NAV1: variants seen among roughly 807,000 people sequenced by gnomAD.
NAV1 encodes the protein pore membrane and/or filament interacting like protein 3.
NAV1 carries 18 observed loss-of-function variants against 175.2 expected under a neutral mutation model. The ratio of observed to expected loss-of-function variants is 0.10; its 90% CI spans 0.07 to 0.15. The LOEUF is 0.15. Among genes scored for constraint, NAV1 ranks in the 10% least tolerant of loss-of-function variants. The probability of loss-of-function intolerance (pLI) is 1.00; values close to 1 mark genes in which losing one functional copy is unlikely to be tolerated. For synonymous variants in NAV1, 897 were observed against 978.7 expected, an observed-to-expected ratio of 0.92 and a Z score of 1.56; for missense variants, 1,731 against 2,436.6, an observed-to-expected ratio of 0.71 and a Z score of 6.10.
intron 20 of NAV1, 72 bp from the exon 25 acceptor site, chr1:201,809,092 G>C: frequency 6.7e-7 from 1 of 1,483,964 alleles, no homozygotes; most frequent in Non-Finnish European, 9.4e-7. Flanking sequence ...TTTTGGAAAG[G>C]ATAATGATGG....
intron 1 of NAV1, among the ~76,000 whole-genome samples, chr1:201,661,448 C>T (rs1018673087): frequency 1.9e-4 from 29 of 152,244 alleles, no homozygotes; most frequent in African/African-American, 6.0e-4. Context: ...CCCAGATGTA[C>T]AGGAAGAAAT....
rs1674420181 is a variant in NAV1 at position 201,755,833 on chromosome 1, AC to A, written c.1227-24587del. On this transcript the variant is annotated intron_variant, in intron 3 of 29. Coordinates refer to ENST00000367296, the Ensembl canonical transcript of NAV1. The stretch of plus-strand genomic sequence containing the variant: ...CTTTAAAAAAAGTTGTGGGCTGGGC[AC>A]GGTGGCTCACACCTGTAATCCCAGC... 4.6e-5 allele frequency among the ~76,000 whole-genome samples: 7 copies of A among 152,176 alleles called. No homozygotes were observed. In the South Asian group the frequency reaches 1.4e-3, roughly 32 times the overall value.
intron 1 of NAV1, among the ~76,000 whole-genome samples, chr1:201,625,410 C>T (rs1331571758): frequency 6.6e-6 from 1 of 152,162 alleles, no homozygotes; most frequent in Admixed American, 6.5e-5. Flanking sequence ...TACAAATTGA[C>T]CGGAAGGCAG....
intron 1 of NAV1, among the ~76,000 whole-genome samples, chr1:201,576,549 T>C (rs1210312400): frequency 6.6e-6 from 1 of 151,540 alleles, no homozygotes; most frequent in African/African-American, 2.4e-5. Flanking sequence ...AAGACCAGTC[T>C]GGGCAACACA....
Position 201,812,679 on chromosome 1 carries a change from C to T in NAV1, c.5221+18C>T, listed in dbSNP as rs767420543. 2.5e-6 allele frequency: 4 copies of T among 1,607,408 alleles called. No individual in the cohort carries two copies. The highest frequency in any genetic ancestry group is 2.6e-6 in the Non-Finnish European group (3 of 1,175,448). ...CCTCATCGGTACTGGGGTCCAGCTT[C>T]CCCCGGGGGTCAGGAGGTGGCTTCC... On this transcript the variant is annotated intron_variant, in intron 27 of 29. Coordinates refer to ENST00000367296, the Ensembl canonical transcript of NAV1. This position sits in a 1 kb window ranked among gnomAD's most constrained non-coding sequence, Gnocchi z 4.6.
At chr1:201,595,765 G>A (rs1388978629) in intron 2 of NAV1, among the ~76,000 whole-genome samples, 2 of 152,244 alleles carry the variant, frequency 1.3e-5, no homozygotes, top group Non-Finnish European at 2.9e-5. Context: ...TCCTGGCCGA[G>A]TTGAAAGCAG....
At chr1:201,641,966 T>TTC (rs768012005) in intron 2 of NAV1, among the ~76,000 whole-genome samples, 7 of 149,928 alleles carry the variant, frequency 4.7e-5, no homozygotes, top group East Asian at 2.0e-4. Context: ...CTTCCTTCCT[T>TTC]TCTCTCTCTC....
At chr1:201,786,206 C>T (rs557070532) in intron 8 of NAV1, among the ~76,000 whole-genome samples, 8 of 152,128 alleles carry the variant, frequency 5.3e-5, no homozygotes, top group Non-Finnish European at 7.4e-5. Context: ...GGAACCCTTA[C>T]GGGAATACCT....
intron 1 of NAV1, among the ~76,000 whole-genome samples, chr1:201,625,570 C>T (rs1186414997): frequency 6.6e-6 from 1 of 152,222 alleles, no homozygotes; most frequent in African/African-American, 2.4e-5. Flanking sequence ...AACTCACTTA[C>T]GTCCCCTTGT....
At position 201,560,525 on chromosome 1, in the gene NAV1, C is replaced by T. The variant is rs113365653; in HGVS notation, c.-144+21183C>T. Among the ~76,000 whole-genome samples, 696 of 152,238 alleles carry T rather than the reference C, an allele frequency of 4.6e-3. 8 individuals are homozygous for T. The highest frequency in any genetic ancestry group is 0.016 in the African/African-American group (670 of 41,524). ...GGCAAGAGCCCAGTGACCCTGCATC[C>T]GGGGTGTTTGGGGTGCCAGAGAGAA... On this transcript the variant is annotated intron_variant, in intron 1 of 33. Transcript: ENST00000685211.
intron 1 of NAV1, among the ~76,000 whole-genome samples, chr1:201,696,223 G>A (rs574490643): frequency 9.2e-5 from 14 of 152,278 alleles, no homozygotes; most frequent in South Asian, 4.1e-4. Context: ...GGGTGGGAGC[G>A]GGAGAGGGAG....
intron 3 of NAV1, among the ~76,000 whole-genome samples, chr1:201,732,553 TG>T (rs1291375808): frequency 3.9e-5 from 6 of 152,288 alleles, no homozygotes; most frequent in Admixed American, 3.9e-4. Flanking sequence ...GCAAAGTAGA[TG>T]GAACATTCTA....
intron 1 of NAV1, among the ~76,000 whole-genome samples, chr1:201,703,544 G>A (rs1671535311): frequency 6.6e-6 from 1 of 152,336 alleles, no homozygotes; most frequent in Non-Finnish European, 1.5e-5. Context: ...ACCCTCTCCT[G>A]GTCCCACAGT....
chr1:201,781,828 A>G (rs1379813274), intron 5 of NAV1, among the ~76,000 whole-genome samples: 1 of 152,204 alleles, frequency 6.6e-6, no homozygotes, highest in Non-Finnish European at 1.5e-5. Context: ...AGATATTGTC[A>G]TACTCTATTC....
rs115195656 is a variant in NAV1 at position 201,788,342 on chromosome 1, C to T, written c.2996-126C>T. ...ACCGCACCTGCCCCTTCCTCTCCTGCCCTCTCCCCATTTGCCTCTCATGCT... is the reference window on the plus strand; with the variant it reads ...ACCGCACCTGCCCCTTCCTCTCCTGTCCTCTCCCCATTTGCCTCTCATGCT... On this transcript the variant is annotated intron_variant, in intron 9 of 29. Coordinates refer to ENST00000367296, the Ensembl canonical transcript of NAV1. The surrounding 1 kb of genome is among the most constrained non-coding windows in gnomAD (Gnocchi z 5.7). The T allele has an allele frequency of 6.9e-4, 658 of 956,168 alleles. 2 individuals are homozygous for T. The African/African-American group carries it at 9.1e-3, about 13-fold the overall frequency. 59.2% of individuals were successfully genotyped at this position (956,168 alleles called of 1,614,324 possible). A position where few individuals can be genotyped will look rare whatever the true frequency, so the allele number is the denominator to read the frequency against.
chr1:201,733,176 C>T lies in NAV1; in HGVS notation c.1226+14421C>T, dbSNP rs140902023. Reference sequence around the variant, plus strand: ...CGGGCGGATCATGAGGTCAAGAGATCGAGACCATCCTGGCCAACATGGTGA... The same window carrying T: ...CGGGCGGATCATGAGGTCAAGAGATTGAGACCATCCTGGCCAACATGGTGA... On this transcript the variant is annotated intron_variant, in intron 3 of 29. Transcript: ENST00000367296. 8.0e-3 allele frequency among the ~76,000 whole-genome samples: 1,211 copies of T among 151,852 alleles called. 13 individuals are homozygous for T. The highest frequency in any genetic ancestry group is 0.023 in the African/African-American group (952 of 41,370).
rs541306197 is a variant in NAV1 at position 201,584,126 on chromosome 1, T to C, written c.-143-4413T>C. ...TGTGCCAGATCTTTCACATGTGTTG[T>C]TATTTCCACTTTAAGTGTAAGAACA... On this transcript the variant is annotated intron_variant, in intron 1 of 33. Transcript: ENST00000685211. Among the ~76,000 whole-genome samples the C allele has an allele frequency of 4.6e-5, 7 of 152,348 alleles. No homozygotes were observed. The South Asian group carries it at 1.4e-3, about 32-fold the overall frequency.
intron 3 of NAV1, among the ~76,000 whole-genome samples, chr1:201,741,815 A>G (rs976101430): frequency 6.6e-6 from 1 of 152,012 alleles, no homozygotes; most frequent in Non-Finnish European, 1.5e-5. Flanking sequence ...ACCCAACTCC[A>G]TCTCATGGGA....
intron 1 of NAV1, among the ~76,000 whole-genome samples, chr1:201,549,441 T>C (rs1665780374): frequency 1.3e-5 from 2 of 152,076 alleles, no homozygotes; most frequent in Non-Finnish European, 2.9e-5. Context: ...ACTCTTAGGT[T>C]CAAGCGATCC....
Sources: allele counts gnomAD v4.1 joint callset (sites outside exome capture counted in the v4.1 genomes callset), GRCh38; gene constraint gnomAD v4.1.1; non-coding constraint Gnocchi (gnomAD v3.1); transcripts MANE v1.5; gene names NCBI Gene and HGNC (gene_info 2026-07-23, HGNC 2026-07-21).